The following ACBD5 variants were observed in gnomAD, a reference collection of about 807,000 sequenced individuals.
ACBD5 encodes acyl-CoA-binding domain-containing protein 5.
Under a neutral mutation model 71.8 loss-of-function variants are expected in ACBD5, and 40 were observed. The ratio of observed to expected loss-of-function variants is 0.56; its 90% CI spans 0.43 to 0.72. ACBD5 has a LOEUF of 0.72. Among genes scored for constraint, ACBD5 ranks in the 30% least tolerant of loss-of-function variants. The pLI, the probability that ACBD5 is intolerant of heterozygous loss-of-function variation, is 0.00. For synonymous variants in ACBD5, 229 were observed against 218.6 expected, an observed-to-expected ratio of 1.05 and a Z score of -0.42; for missense variants, 559 against 644.5, an observed-to-expected ratio of 0.87 and a Z score of 1.44.
chr10:27,186,470 A>T (rs200773075), intron 13 of ACBD5: 1 of 1,614,152 alleles, frequency 6.2e-7, no homozygotes, highest in Non-Finnish European at 8.5e-7. Context: ...ATGATGAAAC[A>T]GATACCTCCT....
chr10:27,205,388 G>A, intron 10 of ACBD5, 140 bp from the exon 11 acceptor site: 1 of 773,814 alleles, frequency 1.3e-6, no homozygotes, highest in Non-Finnish European at 2.2e-6. Flanking sequence ...TAGAACAGTT[G>A]GAACGTAGAA....
intron 4 of ACBD5, 127 bp from the exon 5 acceptor site, chr10:27,223,579 G>A (rs2062635059): frequency 1.3e-6 from 1 of 760,816 alleles, no homozygotes; most frequent in Non-Finnish European, 2.2e-6. Flanking sequence ...TAGACTCTCT[G>A]AAGGATCTAC....
Position 27,196,875 on chromosome 10 carries a change from C to A in ACBD5, c.*555G>T, listed in dbSNP as rs1472337200. ...ACCAAACTCAAGAGTTGTGAATGCC[C>A]AAGAAAGATTATGGGCAGCCCACAA... On this transcript the variant is annotated 3_prime_UTR_variant, in exon 13 of 13. Coordinates refer to ENST00000396271, the MANE Select transcript of ACBD5 (RefSeq NM_145698.5). 2.2e-6 allele frequency: 1 copy of A among 453,964 alleles called. No individual in the cohort carries two copies. The highest frequency in any genetic ancestry group is 4.4e-6 in the Non-Finnish European group (1 of 226,750). The allele number at this position is 453,964 out of a possible 1,614,324, so 28.1% of individuals were successfully genotyped here.
intron 5 of ACBD5, among the ~76,000 whole-genome samples, chr10:27,222,389 G>A (rs535365202): frequency 1.4e-5 from 2 of 138,222 alleles, no homozygotes; most frequent in Admixed American, 8.1e-5. Flanking sequence ...TCAATCCTTT[G>A]TGTACATGAA....
At position 27,235,085 on chromosome 10, in the gene ACBD5, A is replaced by C. The variant is rs2064474387; in HGVS notation, c.302+7T>G. On this transcript the variant is annotated splice_region_variant and intron_variant, in intron 3 of 12. Coordinates refer to ENST00000396271, the MANE Select transcript of ACBD5 (RefSeq NM_145698.5). ...AAATTCTTGCATAGCTCTACACAAA[A>C]AATTACCATTTATATCTTCCAATAG... The C allele has an allele frequency of 6.2e-7, 1 of 1,613,702 alleles. No homozygotes were observed. The highest frequency in any genetic ancestry group is 8.5e-7 in the Non-Finnish European group (1 of 1,179,762).
Position 27,208,404 on chromosome 10 carries a change from G to A in ACBD5, c.1246C>T (p.Gln416Ter). 1 of 1,614,114 alleles carries A rather than the reference G, an allele frequency of 6.2e-7. No individual in the cohort carries two copies. The highest frequency in any genetic ancestry group is 8.5e-7 in the Non-Finnish European group (1 of 1,180,032). ...QHLSEGTKGR[Q>*]VGSGGDGERW... ...TCCCCATCACCTCCACTTCCCACCT[G>A]CCGGCCCTTGGTTCCTTCGCTCAAG... Residue 416 changes from glutamine (Q) to a stop codon, truncating the protein, a stop_gained, in exon 10 of 13, where the codon CAG becomes TAG. Transcript: ENST00000396271. LOFTEE classifies it high-confidence loss of function.
intron 2 of ACBD5, among the ~76,000 whole-genome samples, chr10:27,235,534 C>G (rs995434606): frequency 6.6e-6 from 1 of 152,142 alleles, no homozygotes; most frequent in African/African-American, 2.4e-5. Flanking sequence ...TATAGAATAA[C>G]TATTATTAAG....
At chr10:27,207,934 C>CAT in intron 10 of ACBD5, among the ~76,000 whole-genome samples, 1 of 152,198 alleles carries the variant, frequency 6.6e-6, no homozygotes, top group South Asian at 2.1e-4. Flanking sequence ...AGAATTTCAC[C>CAT]ATAGTGGCCA....
At chr10:27,185,776 G>C (rs548472031) in intron 13 of ACBD5, among the ~76,000 whole-genome samples, 1 of 126,862 alleles carries the variant, frequency 7.9e-6, no homozygotes, top group East Asian at 2.2e-4. Flanking sequence ...ACTGGAGAGA[G>C]ACTCCATTTC....
chr10:27,212,304 G>A (rs1184020503), intron 8 of ACBD5, among the ~76,000 whole-genome samples: 4 of 152,180 alleles, frequency 2.6e-5, no homozygotes, highest in Admixed American at 6.5e-5. Flanking sequence ...AGCCCAGATT[G>A]TGCCACTGCA....
chr10:27,207,592 C>G (rs2060601179), intron 10 of ACBD5, among the ~76,000 whole-genome samples: 1 of 152,206 alleles, frequency 6.6e-6, no homozygotes, highest in African/African-American at 2.4e-5. Flanking sequence ...CTAATTACCT[C>G]TTTACTCTCT....
intron 10 of ACBD5, among the ~76,000 whole-genome samples, chr10:27,205,634 C>G (rs1375756617): frequency 6.6e-6 from 1 of 151,944 alleles, no homozygotes; most frequent in Non-Finnish European, 1.5e-5. Context: ...GATCTTGGCT[C>G]ACTGCAACCG....
chr10:27,195,143 C>T (rs183987218), downstream of ACBD5: 715 of 300,878 alleles, frequency 2.4e-3, 6 homozygotes, highest in Middle Eastern at 5.1e-3. Flanking sequence ...ACTTTATGTG[C>T]GACTACTACT....
At chr10:27,212,815 T>C (rs1175718554) in intron 8 of ACBD5, among the ~76,000 whole-genome samples, 5 of 152,088 alleles carry the variant, frequency 3.3e-5, no homozygotes, top group African/African-American at 1.2e-4. Flanking sequence ...TCCCACAGTG[T>C]TGGGATTATA....
Position 27,223,061 on chromosome 10 carries a change from T to A in ACBD5, c.490+277A>T. ...CACTTAAGGGTTAAAATTTTAAGGG[T>A]TTATAATGTTTTGGAACTTCATATA... On this transcript the variant is annotated intron_variant, in intron 5 of 12. Transcript: ENST00000396271. 9.4e-6 allele frequency: 6 copies of A among 638,948 alleles called. No homozygotes were observed. The South Asian group carries it at 1.2e-4, about 12-fold the overall frequency. 39.6% of individuals were successfully genotyped at this position (638,948 alleles called of 1,614,324 possible).
chr10:27,231,303 G>C (rs771090988), intron 4 of ACBD5, among the ~76,000 whole-genome samples: 6 of 152,158 alleles, frequency 3.9e-5, no homozygotes, highest in Non-Finnish European at 7.3e-5. Context: ...GATCACTTGA[G>C]GTCAGAAGTT....
intron 8 of ACBD5, among the ~76,000 whole-genome samples, chr10:27,211,471 C>T (rs1264398618): frequency 6.6e-6 from 1 of 152,090 alleles, no homozygotes; most frequent in Non-Finnish European, 1.5e-5. Flanking sequence ...CAGGCACGCA[C>T]CGCCATGCCT....
At chr10:27,197,880 C>T (rs1264429881) in intron 12 of ACBD5, among the ~76,000 whole-genome samples, 3 of 152,182 alleles carry the variant, frequency 2.0e-5, no homozygotes, top group African/African-American at 4.8e-5. Context: ...ATCTACCCAC[C>T]TCAGCCTCCC....
chr10:27,220,662 A>C (rs757957885), intron 5 of ACBD5, among the ~76,000 whole-genome samples: 2 of 152,230 alleles, frequency 1.3e-5, no homozygotes, highest in Non-Finnish European at 2.9e-5. Context: ...TCAAAATCCA[A>C]GCTGGCATTT....
Sources: gnomAD v4.1 joint callset for allele counts (sites outside exome capture counted in the v4.1 genomes callset) on GRCh38, gnomAD v4.1.1 for gene constraint, MANE v1.5 for transcripts, NCBI Gene and HGNC (gene_info 2026-07-23, HGNC 2026-07-21) for gene names.